Variants in MYOCD observed in about 807,000 individuals in gnomAD.
MYOCD encodes myocardin.
MYOCD carries 32 observed loss-of-function variants against 96.1 expected under a neutral mutation model. The observed-to-expected ratio is 0.33, with a 90% confidence interval of 0.25 to 0.45. MYOCD has a LOEUF of 0.45. MYOCD is among the 20% of genes least tolerant of loss of function. The pLI is 1.00. For missense variants in MYOCD, 1,133 were observed against 1,200.6 expected (o/e 0.94, Z 0.83); for synonymous variants, 469 against 469.0 (o/e 1.00, Z 0.00).
intron 1 of MYOCD, among the ~76,000 whole-genome samples, chr17:12,691,859 T>C (rs1219745848): frequency 6.6e-6 from 1 of 152,188 alleles, no homozygotes; most frequent in Non-Finnish European, 1.5e-5. Flanking sequence ...TCTTAGGAGC[T>C]ATGACCAGGG....
chr17:12,739,925 AT>A (rs753799740), intron 7 of MYOCD, among the ~76,000 whole-genome samples: 11 of 151,352 alleles, frequency 7.3e-5, no homozygotes, highest in African/African-American at 9.7e-5. Context: ...TTTAGTGGTG[AT>A]TTTTTTTCTT....
At chr17:12,671,528 G>T (rs955916268) in intron 1 of MYOCD, among the ~76,000 whole-genome samples, 21 of 152,314 alleles carry the variant, frequency 1.4e-4, no homozygotes, top group Admixed American at 1.2e-3. Flanking sequence ...TTAAACAAAG[G>T]TCATCTATGG....
In MYOCD at chr17:12,768,025, C is replaced by T. The variant is rs1195173377; in HGVS notation, c.*4381C>T. ...GGAAGTTCCCAAAATTGCTGGTACA[C>T]AGTTTGCAATCAAATATCAGATATG... On this transcript the variant is annotated 3_prime_UTR_variant, in exon 14 of 14. Coordinates refer to ENST00000425538, the MANE Select transcript of MYOCD (RefSeq NM_001146312.3). The T allele has an allele frequency of 6.6e-6, 1 of 152,146 alleles. No homozygotes were observed. Among genetic ancestry groups the T allele is most frequent in the African/African-American group, 2.4e-5 (1 of 41,444 alleles). 9.4% of individuals were successfully genotyped at this position (152,146 alleles called of 1,614,324 possible). A position where few individuals can be genotyped will look rare whatever the true frequency, so the allele number is the denominator to read the frequency against.
At chr17:12,697,361 T>TATATATA (rs1567576270) in intron 1 of MYOCD, among the ~76,000 whole-genome samples, 14 of 43,722 alleles carry the variant, frequency 3.2e-4, no homozygotes, top group East Asian at 3.1e-3. Flanking sequence ...ATATATATAT[T>TATATATA]TTTTTTTTTT....
chr17:12,672,505 G>C (rs1423223164), intron 1 of MYOCD, among the ~76,000 whole-genome samples: 3 of 152,316 alleles, frequency 2.0e-5, no homozygotes, highest in Admixed American at 6.5e-5. Flanking sequence ...AAAACAGAAA[G>C]AGGTGTCCAA....
chr17:12,736,558 TA>T (rs896459912), intron 6 of MYOCD, among the ~76,000 whole-genome samples: 1 of 152,190 alleles, frequency 6.6e-6, no homozygotes, highest in African/African-American at 2.4e-5. Context: ...CCTCCAGAAC[TA>T]CACCCTTTAA....
chr17:12,668,348 G>A (rs544199606), intron 1 of MYOCD, among the ~76,000 whole-genome samples: 7 of 152,120 alleles, frequency 4.6e-5, no homozygotes, highest in Non-Finnish European at 7.4e-5. Flanking sequence ...ATAGTAGATC[G>A]TGGTATTATG....
At chr17:12,676,484 T>C (rs1046618094) in intron 1 of MYOCD, among the ~76,000 whole-genome samples, 17 of 152,202 alleles carry the variant, frequency 1.1e-4, no homozygotes, top group African/African-American at 3.9e-4. Flanking sequence ...TTAAATTTTC[T>C]TATGTTCTTT....
chr17:12,671,242 A>C (rs1156843212), intron 1 of MYOCD, among the ~76,000 whole-genome samples: 1 of 152,180 alleles, frequency 6.6e-6, no homozygotes, highest in Non-Finnish European at 1.5e-5. Context: ...GAACCCATTA[A>C]ATATATGTTG....
chr17:12,737,809 A>G (rs761937615), intron 6 of MYOCD, among the ~76,000 whole-genome samples: 8 of 152,164 alleles, frequency 5.3e-5, no homozygotes, highest in South Asian at 2.1e-4. Context: ...GTTACTGATC[A>G]CCGTCATGCC....
At chr17:12,723,955 A>G (rs757227894) in intron 5 of MYOCD, among the ~76,000 whole-genome samples, 59 of 152,348 alleles carry the variant, frequency 3.9e-4, no homozygotes, top group Non-Finnish European at 8.2e-4. Context: ...CAGAGGCCAC[A>G]TGAATTTTGC....
chr17:12,750,327 C>A (rs1390897929), intron 9 of MYOCD, among the ~76,000 whole-genome samples: 4 of 152,054 alleles, frequency 2.6e-5, no homozygotes, highest in Non-Finnish European at 5.9e-5. Context: ...AGCTCCCAGG[C>A]GATGCTGATG....
At chr17:12,678,451 T>C (rs1457132333) in intron 1 of MYOCD, among the ~76,000 whole-genome samples, 2 of 152,138 alleles carry the variant, frequency 1.3e-5, no homozygotes, top group Non-Finnish European at 2.9e-5. Context: ...CATTACATGC[T>C]ATGAGGACCA....
intron 1 of MYOCD, chr17:12,672,267 C>T (rs2150628067): frequency 6.6e-6 from 1 of 152,294 alleles, no homozygotes; most frequent in South Asian, 2.1e-4. Flanking sequence ...ATGTGAGTTG[C>T]ATAAGAGTTC....
At chr17:12,709,680 T>C (rs2031419735) in intron 2 of MYOCD, among the ~76,000 whole-genome samples, 1 of 152,210 alleles carries the variant, frequency 6.6e-6, no homozygotes, top group Non-Finnish European at 1.5e-5. Context: ...TACTTTGCCA[T>C]CATCAACCAG....
intron 6 of MYOCD, 37 bp downstream of exon 6, chr17:12,736,373 A>G (rs2032346118): frequency 3.1e-6 from 5 of 1,602,406 alleles, no homozygotes; most frequent in Middle Eastern, 1.7e-4. Context: ...AAAGTAAAAC[A>G]GCATCTCAGT....
chr17:12,669,400 T>C (rs1335076367), intron 1 of MYOCD, among the ~76,000 whole-genome samples: 2 of 152,238 alleles, frequency 1.3e-5, no homozygotes, highest in African/African-American at 4.8e-5. Flanking sequence ...AGAGGCAAAG[T>C]CTGGCAATTG....
intron 1 of MYOCD, among the ~76,000 whole-genome samples, chr17:12,679,552 T>TTA (rs1179805353): frequency 2.0e-5 from 3 of 152,198 alleles, no homozygotes; most frequent in African/African-American, 4.8e-5. Flanking sequence ...ATACCTACAT[T>TTA]TATATATATG....
chr17:12,739,352 C>A (rs2032440047), intron 7 of MYOCD, 24 bp downstream of exon 7: 1 of 1,516,328 alleles, frequency 6.6e-7, no homozygotes. Flanking sequence ...AGCCTCCAAG[C>A]CCTGCCTGAG....
Sources: gnomAD v4.1 joint callset for allele counts (sites outside exome capture counted in the v4.1 genomes callset) on GRCh38, gnomAD v4.1.1 for gene constraint, MANE v1.5 for transcripts, NCBI Gene and HGNC (gene_info 2026-07-23, HGNC 2026-07-21) for gene names.